Variants in UBE2V1 observed in about 807,000 individuals in gnomAD.
UBE2V1 encodes the protein ubiquitin conjugating enzyme E2 V1.
In UBE2V1, 15 loss-of-function variants were observed where a neutral mutation model predicts 19.6. That is an observed-to-expected ratio of 0.77 (90% confidence interval 0.51 to 1.18). The LOEUF (loss-of-function observed/expected upper bound fraction) is 1.18. UBE2V1 is among the 50% of genes most tolerant of loss of function. The pLI, the probability that UBE2V1 is intolerant of heterozygous loss-of-function variation, is 0.00. For missense variants in UBE2V1, 125 were observed against 184.8 expected, an observed-to-expected ratio of 0.68 and a Z score of 1.88; for synonymous variants, 60 against 60.7, an observed-to-expected ratio of 0.99 and a Z score of 0.05.
intron 2 of UBE2V1, among the ~76,000 whole-genome samples, chr20:50,094,299 A>ATTATATAATATATAATGCAT (rs58124196): frequency 5.0e-5 from 4 of 80,036 alleles, no homozygotes; most frequent in African/African-American, 2.6e-4. Context: ...ATATATAATT[A>ATTATATAATATATAATGCAT]TATATAATAT....
At chr20:50,096,939 G>A (rs756703933) in intron 1 of UBE2V1, 119 bp from the exon 2 acceptor site, 32 of 1,492,484 alleles carry the variant, frequency 2.1e-5, no homozygotes, top group African/African-American at 4.2e-5. Flanking sequence ...AAAAAATCAC[G>A]GAAAGTTATC....
At chr20:50,083,953 C>A in intron 3 of UBE2V1, 176 bp downstream of exon 3, 1 of 981,154 alleles carries the variant, frequency 1.0e-6, no homozygotes, top group East Asian at 2.9e-5. Context: ...GAGTGATCGC[C>A]AGATATAATT....
At chr20:50,115,702 G>A (rs1225678796), upstream of UBE2V1, 2 of 1,148,666 alleles carry the variant, frequency 1.7e-6, no homozygotes, top group African/African-American at 3.2e-5. Flanking sequence ...TAATTACCAA[G>A]CCGTTACATC....
intron 1 of UBE2V1, among the ~76,000 whole-genome samples, chr20:50,110,140 TA>T (rs1347389648): frequency 6.6e-6 from 1 of 152,206 alleles, no homozygotes; most frequent in African/African-American, 2.4e-5. Flanking sequence ...ATTTTCTGAT[TA>T]AATGTCAGGG....
Position 50,082,806 on chromosome 20 carries a change from G to A in UBE2V1, c.406C>T (p.Leu136Phe). The change falls in exon 4 of 4, where the codon CTC becomes TTC. Residue 136 changes from leucine to phenylalanine, a missense_variant. Physicochemically the swap from Leu to Phe is conservative, Grantham distance 22. This residue lies in a region of UBE2V1 where 78 missense variants were observed against 108.8 expected (regional missense o/e 0.72). Coordinates refer to ENST00000371674, the MANE Select transcript of UBE2V1 (RefSeq NM_001032288.3). Reference protein sequence around the residue: ...RLMMSKENMKLPQPPEGQCYS... With the variant: ...RLMMSKENMKFPQPPEGQCYS... Reference sequence around the variant, plus strand: ...CACTGTCCTTCGGGCGGCTGAGGGAGTTTCATATTTTCTTTAGACATCATT... The same window carrying A: ...CACTGTCCTTCGGGCGGCTGAGGGAATTTCATATTTTCTTTAGACATCATT... 1 of 1,613,288 alleles carries A rather than the reference G, an allele frequency of 6.2e-7. No individual in the cohort carries two copies. Among genetic ancestry groups the A allele is most frequent in the Admixed American group, 1.7e-5 (1 of 59,992 alleles).
intron 1 of UBE2V1, among the ~76,000 whole-genome samples, chr20:50,112,256 A>T (rs2080803980): frequency 1.3e-5 from 2 of 152,100 alleles, no homozygotes; most frequent in Admixed American, 1.3e-4. Context: ...CCACTCCCAA[A>T]GAGACATCCT....
chr20:50,108,056 T>G (rs141835861), intron 1 of UBE2V1, among the ~76,000 whole-genome samples: 1 of 152,228 alleles, frequency 6.6e-6, no homozygotes, highest in East Asian at 1.9e-4. Context: ...TTGTGGGCCA[T>G]GGAAAAGGGA....
intron 1 of UBE2V1, among the ~76,000 whole-genome samples, chr20:50,101,596 AT>A (rs1555878350): frequency 6.7e-6 from 1 of 148,992 alleles, no homozygotes; most frequent in Non-Finnish European, 1.5e-5. Flanking sequence ...AAAAAAAAAA[AT>A]TTTACACATT....
chr20:50,110,076 C>T (rs997401877), intron 1 of UBE2V1, among the ~76,000 whole-genome samples: 5 of 152,346 alleles, frequency 3.3e-5, no homozygotes, highest in African/African-American at 9.6e-5. Context: ...GAGGCCACTC[C>T]GATGTATGCA....
chr20:50,106,270 TA>T (rs1488643138), intron 1 of UBE2V1, among the ~76,000 whole-genome samples: 4 of 152,188 alleles, frequency 2.6e-5, no homozygotes, highest in African/African-American at 7.2e-5. Context: ...TAGCTAAATA[TA>T]AACTGAAAAG....
Position 50,084,017 on chromosome 20 carries a change from T to C in UBE2V1, c.297+112A>G, listed in dbSNP as rs2078763457. On this transcript the variant is annotated intron_variant, in intron 3 of 3. Transcript: ENST00000371674. ...CTCCTATGCACAGTGATACAGTTTATCAACAAATAACCAAAGAACCTAGGA... is the reference window on the plus strand; with the variant it reads ...CTCCTATGCACAGTGATACAGTTTACCAACAAATAACCAAAGAACCTAGGA... The C allele has an allele frequency of 2.0e-6, 3 of 1,483,742 alleles. No homozygotes were observed. The Admixed American group carries it at 6.9e-5, about 34-fold the overall frequency. 91.9% of individuals were successfully genotyped at this position (1,483,742 alleles called of 1,614,324 possible).
chr20:50,082,971 A>C, intron 3 of UBE2V1, 57 bp from the exon 4 acceptor site: 1 of 1,591,014 alleles, frequency 6.3e-7, no homozygotes, highest in Non-Finnish European at 8.5e-7. Flanking sequence ...AAATAGCTAT[A>C]TGCCGGGGTT....
chr20:50,107,770 C>G (rs1174768886), intron 1 of UBE2V1, among the ~76,000 whole-genome samples: 1 of 152,174 alleles, frequency 6.6e-6, no homozygotes, highest in Non-Finnish European at 1.5e-5. Context: ...TGTGCTGGTG[C>G]TAGGGACACA....
upstream of UBE2V1, chr20:50,115,098 C>G (rs1444542106): frequency 5.8e-6 from 1 of 172,310 alleles, no homozygotes; most frequent in Non-Finnish European, 1.2e-5. Context: ...CCCTAGGTAC[C>G]CCACTTGCCT....
chr20:50,108,889 A>C (rs1475839728), intron 1 of UBE2V1: 1 of 972,214 alleles, frequency 1.0e-6, no homozygotes, highest in East Asian at 1.1e-4. Context: ...AACGGGTAGC[A>C]GTAGACACTT....
chr20:50,113,153 C>T, upstream of UBE2V1: 2 of 1,329,890 alleles, frequency 1.5e-6, no homozygotes, highest in Non-Finnish European at 9.7e-7. Flanking sequence ...GCTTGAAGGC[C>T]GGCCCCTTCT....
intron 1 of UBE2V1, among the ~76,000 whole-genome samples, chr20:50,112,173 C>T (rs747874057): frequency 6.6e-6 from 1 of 152,210 alleles, no homozygotes; most frequent in Non-Finnish European, 1.5e-5. Flanking sequence ...AGACTTTTCT[C>T]CTTTACAGGA....
chr20:50,112,141 C>T (rs909713610), intron 1 of UBE2V1, among the ~76,000 whole-genome samples: 8 of 152,194 alleles, frequency 5.3e-5, no homozygotes, highest in Non-Finnish European at 1.2e-4. Flanking sequence ...GATATGCTTC[C>T]CTCACTCAAT....
At chr20:50,085,684 C>A (rs1164941222) in intron 2 of UBE2V1, among the ~76,000 whole-genome samples, 1 of 152,056 alleles carries the variant, frequency 6.6e-6, no homozygotes, top group African/African-American at 2.4e-5. Context: ...TGATTTAAAC[C>A]CTTGATTCAG....
Sources: gnomAD v4.1 joint callset for allele counts (sites outside exome capture counted in the v4.1 genomes callset) on GRCh38, gnomAD v4.1.1 for gene constraint, gnomAD v4.1.1 regional missense constraint, MANE v1.5 for transcripts, NCBI Gene and HGNC (gene_info 2026-07-23, HGNC 2026-07-21) for gene names.